Variants in CCNJL observed in about 807,000 individuals in gnomAD.
CCNJL encodes cyclin J like.
CCNJL carries 33 observed loss-of-function variants against 33.4 expected under a neutral mutation model. The observed-to-expected ratio is 0.99, with a 90% CI of 0.75 to 1.32. CCNJL has a LOEUF of 1.32. CCNJL is among the 40% of genes most tolerant of loss of function. The probability of loss-of-function intolerance (pLI) is 0.00; values close to 1 mark genes in which losing one functional copy is unlikely to be tolerated. For synonymous variants in CCNJL, 227 were observed against 220.9 expected (o/e 1.03, Z -0.24); for missense variants, 512 against 499.7 (o/e 1.02, Z -0.23).
chr5:160,316,420 TAA>T (rs5872639), upstream of CCNJL, among the ~76,000 whole-genome samples: 81 of 149,208 alleles, frequency 5.4e-4, no homozygotes, highest in Admixed American at 1.2e-3. Flanking sequence ...TATATATCCC[TAA>T]AAAAAAAAAA....
At chr5:160,265,379 T>G (rs1018228460) in intron 3 of CCNJL, among the ~76,000 whole-genome samples, 1 of 152,194 alleles carries the variant, frequency 6.6e-6, no homozygotes, top group Non-Finnish European at 1.5e-5. Flanking sequence ...GGCTCACGCC[T>G]GTAATCCCAG....
chr5:160,335,876 A>C (rs2113485595), intron 1 of CCNJL, among the ~76,000 whole-genome samples: 1 of 151,896 alleles, frequency 6.6e-6, no homozygotes, highest in East Asian at 1.9e-4. Flanking sequence ...GAGACACTAC[A>C]CCCAGACCCC....
intron 2 of CCNJL, among the ~76,000 whole-genome samples, chr5:160,308,462 G>A (rs1165233291): frequency 6.6e-6 from 1 of 152,140 alleles, no homozygotes; most frequent in Non-Finnish European, 1.5e-5. Flanking sequence ...GCAAACAAAC[G>A]AAAAATAACT....
At chr5:160,324,627 G>GTTTATCTATCTA (rs1763512667) in intron 1 of CCNJL, among the ~76,000 whole-genome samples, 1 of 151,570 alleles carries the variant, frequency 6.6e-6, no homozygotes, top group South Asian at 2.1e-4. Flanking sequence ...AAAACTGTCT[G>GTTTATCTATCTA]TCTATCTATC....
chr5:160,308,238 C>A (rs542515719), intron 2 of CCNJL, among the ~76,000 whole-genome samples: 1 of 152,324 alleles, frequency 6.6e-6, no homozygotes, highest in East Asian at 1.9e-4. Flanking sequence ...ATGCACCTCA[C>A]ACTGTTCTTA....
chr5:160,304,690 TG>T (rs1419477511), intron 2 of CCNJL, among the ~76,000 whole-genome samples: 2 of 152,074 alleles, frequency 1.3e-5, no homozygotes, highest in African/African-American at 4.8e-5. Context: ...TCTTGTGATT[TG>T]GGGGGAACTT....
intron 3 of CCNJL, among the ~76,000 whole-genome samples, chr5:160,262,001 G>A (rs17057569): frequency 0.058 from 8,900 of 152,232 alleles, 341 homozygotes; most frequent in South Asian, 0.19. Context: ...TGATGATCTT[G>A]TATTCCCCAG....
intron 5 of CCNJL, chr5:160,254,133 C>G (rs939123901): frequency 2.2e-5 from 10 of 464,356 alleles, no homozygotes; most frequent in African/African-American, 1.6e-4. Context: ...AGTTACCTGG[C>G]TTCCAGGAGG....
intron 2 of CCNJL, among the ~76,000 whole-genome samples, chr5:160,303,926 C>G (rs930780603): frequency 4.3e-5 from 5 of 116,258 alleles, no homozygotes; most frequent in African/African-American, 2.0e-4. Context: ...TCTTAAATGT[C>G]CTCCACTCCC....
intron 2 of CCNJL, among the ~76,000 whole-genome samples, chr5:160,291,578 C>T (rs945067420): frequency 6.6e-6 from 1 of 152,190 alleles, no homozygotes; most frequent in Non-Finnish European, 1.5e-5. Flanking sequence ...GTGCCAGCTA[C>T]GGGGCACCTG....
intron 1 of CCNJL, among the ~76,000 whole-genome samples, chr5:160,320,996 TTCTCTCTCTC>T (rs138268750): frequency 6.2e-5 from 6 of 97,112 alleles, no homozygotes; most frequent in African/African-American, 2.5e-4. Context: ...CTTTCTTTCT[TTCTCTCTCTC>T]TCTCTCTCTT....
intron 2 of CCNJL, among the ~76,000 whole-genome samples, chr5:160,286,727 C>T (rs1250327575): frequency 4.6e-5 from 7 of 152,122 alleles, no homozygotes; most frequent in South Asian, 4.1e-4. Context: ...GTAGGTACAG[C>T]GTGCTGGAAG....
At chr5:160,313,487 CTG>C (rs1311226554), upstream of CCNJL, among the ~76,000 whole-genome samples, 16 of 152,332 alleles carry the variant, frequency 1.1e-4, no homozygotes, top group African/African-American at 2.9e-4. Context: ...CAGTAAACAA[CTG>C]TGACTGAAGA....
At chr5:160,285,423 A>C (rs774412882) in intron 2 of CCNJL, among the ~76,000 whole-genome samples, 3 of 145,124 alleles carry the variant, frequency 2.1e-5, no homozygotes, top group Non-Finnish European at 3.0e-5. Flanking sequence ...AATTGCTGAA[A>C]GACAGAAGGG....
chr5:160,302,172 G>C (rs1473222323), intron 2 of CCNJL, among the ~76,000 whole-genome samples: 1 of 152,156 alleles, frequency 6.6e-6, no homozygotes, highest in Non-Finnish European at 1.5e-5. Context: ...TGAATAAGCA[G>C]TCCCCTAAAT....
rs377179668 is a variant in CCNJL at position 160,253,636 on chromosome 5, C to T, written c.906G>A (p.Val302=). ...ATTLAQFQTP[V]QDLCLAYRDS... ...CCCGATAGGCCAAGCATAGGTCCTGCACGGGGGTCTGGAACTGTGCCAGGG... is the reference window on the plus strand; with the variant it reads ...CCCGATAGGCCAAGCATAGGTCCTGTACGGGGGTCTGGAACTGTGCCAGGG... Residue 302 remains valine, a synonymous_variant, in exon 6 of 6, where the codon GTG becomes GTA. Transcript: ENST00000257536. 4 of 1,612,462 alleles carry T rather than the reference C, an allele frequency of 2.5e-6. No homozygotes were observed. The African/African-American group carries it at 5.3e-5, about 22-fold the overall frequency.
intron 3 of CCNJL, among the ~76,000 whole-genome samples, chr5:160,273,418 T>C (rs1272769089): frequency 1.3e-5 from 2 of 152,204 alleles, no homozygotes; most frequent in African/African-American, 4.8e-5. Context: ...ACTTCAGCTC[T>C]ATTCTTGGAG....
At position 160,261,488 on chromosome 5, in the gene CCNJL, CT is replaced by C. The variant is rs1330397725; in HGVS notation, c.281-1718del. On this transcript the variant is annotated intron_variant, in intron 3 of 5. Coordinates refer to ENST00000257536, the MANE Select transcript of CCNJL (RefSeq NM_001308173.3). ...GTGTCCGAAGTACACACTTTCTTGTCTTGCACACAAGAACAACTCAGGCAGG... is the reference window on the plus strand; with the variant it reads ...GTGTCCGAAGTACACACTTTCTTGTCTGCACACAAGAACAACTCAGGCAGG... Among the ~76,000 whole-genome samples the C allele has an allele frequency of 2.0e-5, 3 of 152,242 alleles. No individual in the cohort carries two copies. In the East Asian group the frequency reaches 5.8e-4, roughly 29 times the overall value.
intron 2 of CCNJL, among the ~76,000 whole-genome samples, chr5:160,285,284 A>G (rs1762366936): frequency 6.6e-6 from 1 of 152,162 alleles, no homozygotes; most frequent in Non-Finnish European, 1.5e-5. Context: ...CTTCATCTTC[A>G]TGGTTTGATG....
Sources: gnomAD v4.1 joint callset for allele counts (sites outside exome capture counted in the v4.1 genomes callset) on GRCh38, gnomAD v4.1.1 for gene constraint, MANE v1.5 for transcripts, NCBI Gene and HGNC (gene_info 2026-07-23, HGNC 2026-07-21) for gene names.